Variants in MALRD1 observed in about 807,000 individuals in gnomAD.
MALRD1 encodes MAM and LDL-receptor class A domain-containing protein 1.
Under a neutral mutation model 242.1 loss-of-function variants are expected in MALRD1, and 247 were observed. The ratio of observed to expected loss-of-function variants is 1.02; its 90% CI spans 0.92 to 1.13. MALRD1 has a LOEUF of 1.13. Ranked by LOEUF, MALRD1 falls within the 50% of genes most tolerant of loss-of-function variation. The pLI is 0.00. For missense variants in MALRD1, 2,989 were observed against 2,533.1 expected, an observed-to-expected ratio of 1.18 and a Z score of -3.86; for synonymous variants, 995 against 866.6, an observed-to-expected ratio of 1.15 and a Z score of -2.60.
At chr10:19,252,598 A>G (rs1309248011) in intron 18 of MALRD1, among the ~76,000 whole-genome samples, 1 of 152,072 alleles carries the variant, frequency 6.6e-6, no homozygotes, top group East Asian at 1.9e-4. Flanking sequence ...TAATCATCTT[A>G]TAGTTCTTGA....
chr10:19,430,020 C>T (rs765121655), intron 28 of MALRD1, among the ~76,000 whole-genome samples: 34 of 151,582 alleles, frequency 2.2e-4, no homozygotes, highest in South Asian at 4.2e-4. Context: ...TCAGACTATT[C>T]GAGATTCCCA....
In MALRD1 at chr10:19,136,752, A is replaced by C. The variant is rs1460097116; in HGVS notation, c.1382A>C (p.Asp461Ala). The change falls in exon 10 of 40, where the codon GAT becomes GCT. Residue 461 changes from aspartate to alanine, a missense_variant. Asp to Ala is a moderately radical substitution (Grantham distance 126). Transcript: ENST00000454679. ...TGTGACTCTCGGCAGGACTGCTCCG[A>C]TGAGAGTGATGAAGACCCAGCAACT... ...SVCDSRQDCS[D>A]ESDEDPATCS... 1 of 1,231,562 alleles carries C rather than the reference A, an allele frequency of 8.1e-7. No individual in the cohort carries two copies. The highest frequency in any genetic ancestry group is 1.6e-5 in the African/African-American group (1 of 64,416). 76.3% of individuals were successfully genotyped at this position (1,231,562 alleles called of 1,614,324 possible).
rs180899652 is a variant in MALRD1, at chr10:19,731,170, A to T, written c.6390+389A>T. Among the ~76,000 whole-genome samples, 31 of 152,310 alleles carry T rather than the reference A, an allele frequency of 2.0e-4. No individual in the cohort carries two copies. The East Asian group carries it at 4.1e-3, about 20-fold the overall frequency. ...TTTCAAAAACAAAAGAGAGGATAGC[A>T]TTCTATGTTCTGTTTAAATTTAGGG... On this transcript the variant is annotated intron_variant, in intron 39 of 39. Coordinates refer to ENST00000454679, the MANE Select transcript of MALRD1 (RefSeq NM_001142308.3).
At chr10:19,506,882 A>G (rs182299804) in intron 31 of MALRD1, among the ~76,000 whole-genome samples, 123 of 152,286 alleles carry the variant, frequency 8.1e-4, no homozygotes, top group African/African-American at 2.7e-3. Context: ...TTGCATTGCT[A>G]TAAAGAAATA....
chr10:19,650,607 G>A (rs1840831010), intron 36 of MALRD1, among the ~76,000 whole-genome samples: 1 of 152,128 alleles, frequency 6.6e-6, no homozygotes, highest in African/African-American at 2.4e-5. Flanking sequence ...AAATAATGAT[G>A]AGGTGGGGAA....
At chr10:19,701,827 ACCTTCTC>A (rs1292339895) in intron 38 of MALRD1, among the ~76,000 whole-genome samples, 1 of 140,038 alleles carries the variant, frequency 7.1e-6, no homozygotes, top group African/African-American at 2.7e-5. Flanking sequence ...TCCATCCCTC[ACCTTCTC>A]CCTTCTCCCT....
intron 13 of MALRD1, among the ~76,000 whole-genome samples, chr10:19,172,201 ATATATGTATATG>A (rs572341346): frequency 1.4e-5 from 2 of 147,060 alleles, no homozygotes; most frequent in African/African-American, 4.9e-5. Context: ...ATACACATAT[ATATATGTATATG>A]TATATGTATA....
chr10:19,285,098 T>G (rs1432618381), intron 21 of MALRD1, among the ~76,000 whole-genome samples: 2 of 136,018 alleles, frequency 1.5e-5, no homozygotes, highest in African/African-American at 5.9e-5. Flanking sequence ...TTGTTGGGGT[T>G]GTTTGTTTTT....
intron 18 of MALRD1, among the ~76,000 whole-genome samples, chr10:19,232,332 A>C (rs1838117881): frequency 6.9e-6 from 1 of 144,436 alleles, no homozygotes; most frequent in Admixed American, 7.4e-5. Context: ...ACACCCAGCT[A>C]ATTTTTGTAT....
chr10:19,554,915 T>C (rs964378618), intron 32 of MALRD1, among the ~76,000 whole-genome samples: 1 of 152,174 alleles, frequency 6.6e-6, no homozygotes, highest in Admixed American at 6.5e-5. Context: ...TACCCACTAA[T>C]GGGATTGCTG....
intron 2 of MALRD1, among the ~76,000 whole-genome samples, chr10:19,082,369 A>C (rs1835518475): frequency 6.6e-6 from 1 of 151,594 alleles, no homozygotes; most frequent in South Asian, 2.1e-4. Flanking sequence ...CCCATAGCCT[A>C]AGTTATTATT....
intron 12 of MALRD1, among the ~76,000 whole-genome samples, chr10:19,156,820 A>G (rs1209769821): frequency 1.3e-5 from 2 of 152,104 alleles, no homozygotes; most frequent in Non-Finnish European, 2.9e-5. Context: ...CCACTTGAGG[A>G]CACTTAATTT....
At chr10:19,320,729 C>T (rs539587097) in intron 21 of MALRD1, among the ~76,000 whole-genome samples, 2 of 152,234 alleles carry the variant, frequency 1.3e-5, no homozygotes, top group African/African-American at 4.8e-5. Flanking sequence ...ACATCCTCTC[C>T]AGCATCTGTT....
chr10:19,718,659 A>C (rs558424366), intron 38 of MALRD1, among the ~76,000 whole-genome samples: 9 of 152,292 alleles, frequency 5.9e-5, no homozygotes, highest in Non-Finnish European at 7.4e-5. Flanking sequence ...TGTACCACTA[A>C]ACATTCTTTA....
intron 1 of MALRD1, among the ~76,000 whole-genome samples, chr10:19,058,104 T>A (rs1397414954): frequency 6.6e-6 from 1 of 152,176 alleles, no homozygotes; most frequent in East Asian, 1.9e-4. Context: ...ACACAAACAT[T>A]GTAGGAATAG....
intron 32 of MALRD1, among the ~76,000 whole-genome samples, chr10:19,554,088 A>G (rs1835608972): frequency 6.6e-6 from 1 of 152,170 alleles, no homozygotes; most frequent in Non-Finnish European, 1.5e-5. Flanking sequence ...AGAAGATGTA[A>G]TAAGTAGGTT....
chr10:19,294,890 T>C (rs1184172863), intron 21 of MALRD1, among the ~76,000 whole-genome samples: 1 of 152,148 alleles, frequency 6.6e-6, no homozygotes, highest in African/African-American at 2.4e-5. Context: ...TATCATGATA[T>C]GGACATTATG....
chr10:19,084,835 A>T (rs531426116), intron 2 of MALRD1, among the ~76,000 whole-genome samples: 2 of 152,158 alleles, frequency 1.3e-5, no homozygotes, highest in South Asian at 2.1e-4. Flanking sequence ...AACATTTAAG[A>T]CTATAAATGA....
At chr10:19,436,981 T>C (rs1281799256) in intron 28 of MALRD1, among the ~76,000 whole-genome samples, 1 of 152,172 alleles carries the variant, frequency 6.6e-6, no homozygotes, top group Non-Finnish European at 1.5e-5. Flanking sequence ...CTCTATACTT[T>C]TGGGTTTTCT....
Sources: allele counts gnomAD v4.1 joint callset (sites outside exome capture counted in the v4.1 genomes callset), GRCh38; gene constraint gnomAD v4.1.1; transcripts MANE v1.5; gene names NCBI Gene and HGNC (gene_info 2026-07-23, HGNC 2026-07-21).